The following RIT2 variants were observed in gnomAD, a reference collection of about 807,000 sequenced individuals.
RIT2 encodes Ras like without CAAX 2.
In RIT2, 24 loss-of-function variants were observed where a neutral mutation model predicts 23.7. The observed-to-expected ratio is 1.01, with a 90% CI of 0.73 to 1.43. RIT2 has a LOEUF of 1.43. RIT2 is among the 40% of genes most tolerant of loss of function. The probability of loss-of-function intolerance (pLI) is 0.00; values close to 1 mark genes in which losing one functional copy is unlikely to be tolerated. For missense variants in RIT2, 236 were observed against 266.9 expected, an observed-to-expected ratio of 0.88 and a Z score of 0.81; for synonymous variants, 107 against 91.1, an observed-to-expected ratio of 1.17 and a Z score of -0.99.
chr18:42,767,861 G>C (rs895842404), intron 4 of RIT2, among the ~76,000 whole-genome samples: 3 of 152,032 alleles, frequency 2.0e-5, no homozygotes, highest in African/African-American at 4.8e-5. Context: ...TTCCACTTTT[G>C]CTTCTCCCAC....
intron 4 of RIT2, among the ~76,000 whole-genome samples, chr18:42,886,772 T>C (rs939085605): frequency 6.6e-6 from 1 of 152,130 alleles, no homozygotes; most frequent in African/African-American, 2.4e-5. Flanking sequence ...TAAACAGAAA[T>C]GACAGTAGCA....
intron 1 of RIT2, among the ~76,000 whole-genome samples, chr18:43,043,779 A>G (rs1238293991): frequency 1.3e-5 from 2 of 152,174 alleles, no homozygotes; most frequent in Non-Finnish European, 2.9e-5. Context: ...AGCCTGGGCA[A>G]CAAGAGCGAA....
chr18:42,959,475 AGATACT>A (rs1465912466), intron 3 of RIT2, among the ~76,000 whole-genome samples: 1 of 152,228 alleles, frequency 6.6e-6, no homozygotes, highest in Non-Finnish European at 1.5e-5. Context: ...GATCCTAAAC[AGATACT>A]AATTTTAAAA....
At chr18:42,900,087 A>G (rs1310005807) in intron 4 of RIT2, among the ~76,000 whole-genome samples, 1 of 152,104 alleles carries the variant, frequency 6.6e-6, no homozygotes, top group Non-Finnish European at 1.5e-5. Context: ...TTTAATGTCA[A>G]TTAGAACTTA....
chr18:42,843,746 A>G (rs893357355), intron 4 of RIT2, among the ~76,000 whole-genome samples: 1 of 152,162 alleles, frequency 6.6e-6, no homozygotes, highest in Admixed American at 6.6e-5. Context: ...ATATCAGAAA[A>G]ATGTTGATGT....
At chr18:43,110,855 A>T (rs1007611102) in intron 1 of RIT2, among the ~76,000 whole-genome samples, 1 of 152,134 alleles carries the variant, frequency 6.6e-6, no homozygotes. Context: ...AATAAACTTT[A>T]TTGTGTATAT....
intron 1 of RIT2, among the ~76,000 whole-genome samples, chr18:43,100,134 C>G (rs1038546149): frequency 6.6e-6 from 1 of 151,958 alleles, no homozygotes; most frequent in Admixed American, 6.6e-5. Flanking sequence ...ACCAAAGAAA[C>G]GGAGATTTGG....
intron 1 of RIT2, among the ~76,000 whole-genome samples, chr18:43,106,395 G>GATTTTCAC (rs1256973841): frequency 6.6e-6 from 1 of 152,106 alleles, no homozygotes; most frequent in Non-Finnish European, 1.5e-5. Flanking sequence ...CCCAAACATT[G>GATTTTCAC]ATTTTCACAT....
chr18:42,831,606 G>A (rs1287182510), intron 4 of RIT2, among the ~76,000 whole-genome samples: 2 of 152,246 alleles, frequency 1.3e-5, no homozygotes, highest in Non-Finnish European at 2.9e-5. Flanking sequence ...CAAAGAACAG[G>A]AAATGTGACG....
chr18:42,938,338 G>A (rs763932484), intron 3 of RIT2, among the ~76,000 whole-genome samples: 1 of 152,146 alleles, frequency 6.6e-6, no homozygotes, highest in African/African-American at 2.4e-5. Flanking sequence ...GAACAAGTTC[G>A]AACACATCTA....
intron 4 of RIT2, among the ~76,000 whole-genome samples, chr18:42,909,778 G>A (rs771294211): frequency 1.3e-5 from 2 of 150,918 alleles, no homozygotes; most frequent in Admixed American, 6.6e-5. Context: ...TGAAGGAAAC[G>A]CTAAACTAAA....
chr18:42,973,513 C>T (rs1910408948), intron 3 of RIT2, among the ~76,000 whole-genome samples: 4 of 151,802 alleles, frequency 2.6e-5, no homozygotes, highest in Admixed American at 6.6e-5. Flanking sequence ...TATACCTTTC[C>T]TCACAACTTA....
chr18:42,879,814 G>A (rs1324934764), intron 4 of RIT2, among the ~76,000 whole-genome samples: 2 of 152,020 alleles, frequency 1.3e-5, no homozygotes, highest in Non-Finnish European at 2.9e-5. Context: ...CTAAGTGGTT[G>A]GACAGAACTT....
intron 1 of RIT2, among the ~76,000 whole-genome samples, chr18:43,070,617 A>G (rs1260725491): frequency 6.6e-6 from 1 of 152,218 alleles, no homozygotes; most frequent in African/African-American, 2.4e-5. Flanking sequence ...GGATAAGGGA[A>G]GCAGCTTTTA....
At chr18:42,876,195 C>A (rs1362128807) in intron 4 of RIT2, among the ~76,000 whole-genome samples, 3 of 151,900 alleles carry the variant, frequency 2.0e-5, no homozygotes, top group Non-Finnish European at 4.4e-5. Context: ...GAAATTAGAT[C>A]TCAAAGAAGT....
chr18:42,916,458 T>C (rs1026008619), intron 4 of RIT2, among the ~76,000 whole-genome samples: 3 of 152,118 alleles, frequency 2.0e-5, no homozygotes, highest in Non-Finnish European at 2.9e-5. Context: ...TACTCTGTTT[T>C]ACAGCTGAAA....
chr18:43,100,080 T>A (rs1203694965), intron 1 of RIT2, among the ~76,000 whole-genome samples: 1 of 152,100 alleles, frequency 6.6e-6, no homozygotes, highest in African/African-American at 2.4e-5. Context: ...ACATAATCAG[T>A]TATTACATTG....
intron 4 of RIT2, among the ~76,000 whole-genome samples, chr18:42,759,643 T>G (rs1380793432): frequency 1.3e-5 from 2 of 151,546 alleles, no homozygotes; most frequent in Non-Finnish European, 2.9e-5. Context: ...CTGCCATTTT[T>G]TCCAGTGTAG....
At chr18:43,035,718 A>G (rs551204729) in intron 1 of RIT2, among the ~76,000 whole-genome samples, 1 of 152,182 alleles carries the variant, frequency 6.6e-6, no homozygotes, top group Non-Finnish European at 1.5e-5. Context: ...AATTTGTTTA[A>G]CCAGAATCAC....
Sources: gnomAD v4.1 joint callset for allele counts (sites outside exome capture counted in the v4.1 genomes callset) on GRCh38, gnomAD v4.1.1 for gene constraint, MANE v1.5 for transcripts, NCBI Gene and HGNC (gene_info 2026-07-23, HGNC 2026-07-21) for gene names.